The following DYNLT2B variants were observed in gnomAD, a reference collection of about 807,000 sequenced individuals.
DYNLT2B encodes dynein light chain Tctex-type 2B.
Under a neutral mutation model 19.5 loss-of-function variants are expected in DYNLT2B, and 14 were observed. The ratio of observed to expected loss-of-function variants is 0.72; its 90% CI spans 0.47 to 1.12. The LOEUF (loss-of-function observed/expected upper bound fraction) is 1.12, where lower values mean the gene tolerates loss of function less well. Ranked by LOEUF, DYNLT2B falls within the 50% of genes most tolerant of loss-of-function variation. DYNLT2B has a pLI of 0.00. For synonymous variants in DYNLT2B, 70 were observed against 59.7 expected (o/e 1.17, Z -0.79); for missense variants, 133 against 174.7 (o/e 0.76, Z 1.35).
intron 2 of DYNLT2B, among the ~76,000 whole-genome samples, chr3:196,308,505 C>A (rs1177345393): frequency 2.0e-5 from 3 of 152,186 alleles, no homozygotes; most frequent in Non-Finnish European, 1.5e-5. Flanking sequence ...AAAATTCTCA[C>A]TAACACCAAG....
At chr3:196,317,014 TTTTTTCAGTGTGTG>T (rs1332009417) in intron 1 of DYNLT2B, among the ~76,000 whole-genome samples, 17 of 98,152 alleles carry the variant, frequency 1.7e-4, no homozygotes, top group South Asian at 8.8e-4. Flanking sequence ...AGCCTGACAT[TTTTTTCAGTGTGTG>T]TGTGTGTGTG....
intron 2 of DYNLT2B, among the ~76,000 whole-genome samples, chr3:196,309,790 T>C (rs1726584847): frequency 6.6e-6 from 1 of 151,294 alleles, no homozygotes; most frequent in Admixed American, 6.6e-5. Context: ...CCATCTCTAC[T>C]AAAAATACAT....
intron 3 of DYNLT2B, among the ~76,000 whole-genome samples, chr3:196,306,050 C>G (rs1726476043): frequency 6.6e-6 from 1 of 151,874 alleles, no homozygotes; most frequent in Admixed American, 6.6e-5. Flanking sequence ...AAAAAAAATC[C>G]TAATTTACAT....
intron 1 of DYNLT2B, among the ~76,000 whole-genome samples, chr3:196,317,276 G>GTA (rs1726874164): frequency 1.0e-5 from 1 of 96,322 alleles, no homozygotes; most frequent in Non-Finnish European, 2.1e-5. Flanking sequence ...CAGTGTGTGT[G>GTA]TGTGTTGTGT....
chr3:196,299,576 A>G (rs1726300252), intron 3 of DYNLT2B, among the ~76,000 whole-genome samples: 2 of 152,092 alleles, frequency 1.3e-5, no homozygotes, highest in Admixed American at 6.6e-5. Context: ...TGGAGGGAAG[A>G]TCCCATAAAA....
chr3:196,306,249 A>G (rs867533402), intron 3 of DYNLT2B, among the ~76,000 whole-genome samples: 43,068 of 140,570 alleles, frequency 0.31, 7,358 homozygotes, highest in East Asian at 0.8. Context: ...CATCTCTGCA[A>G]AAAAAAAAAA....
chr3:196,296,030 G>C lies in DYNLT2B; in HGVS notation c.357C>G (p.Asn119Lys). ...SRCFWDADTD[N>K]YTHDVFMNDS... ...CATTCATGAAAACATCATGAGTATA[G>C]TTGTCAGTGTCAGCATCCCAGAAAC... is the stretch of plus-strand genomic sequence containing the variant. Residue 119 changes from asparagine (N) to lysine (K), a missense_variant, in exon 4 of 5, where the codon AAC becomes AAG. Coordinates refer to ENST00000325318, the MANE Select transcript of DYNLT2B (RefSeq NM_152773.5). 2 of 1,613,944 alleles carry C rather than the reference G, an allele frequency of 1.2e-6. No individual in the cohort carries two copies.
intron 3 of DYNLT2B, chr3:196,298,132 C>T: frequency 2.8e-6 from 1 of 352,104 alleles, no homozygotes; most frequent in South Asian, 2.6e-5. Flanking sequence ...CAGTTTTCAA[C>T]CAGATCCACT....
At chr3:196,293,620 C>G (rs374228020) in intron 4 of DYNLT2B, among the ~76,000 whole-genome samples, 1 of 134,528 alleles carries the variant, frequency 7.4e-6, no homozygotes, top group Admixed American at 8.1e-5. Flanking sequence ...AGTGAGACTC[C>G]GTCTCAAAAC....
chr3:196,312,512 G>T (rs546461732), intron 2 of DYNLT2B, among the ~76,000 whole-genome samples: 1 of 152,300 alleles, frequency 6.6e-6, no homozygotes, highest in African/African-American at 2.4e-5. Context: ...AGGCTGGAGT[G>T]CAGTGGCACT....
chr3:196,293,454 G>T (rs957172407), intron 4 of DYNLT2B, among the ~76,000 whole-genome samples: 3 of 151,574 alleles, frequency 2.0e-5, no homozygotes, highest in Non-Finnish European at 4.4e-5. Context: ...GTGAAACCTT[G>T]TCTCTACTAA....
At chr3:196,312,626 T>C (rs1560192508) in intron 2 of DYNLT2B, among the ~76,000 whole-genome samples, 1 of 150,882 alleles carries the variant, frequency 6.6e-6, no homozygotes, top group Non-Finnish European at 1.5e-5. Flanking sequence ...GCCCGGCTAA[T>C]TTTTGTATTT....
At chr3:196,302,198 C>G (rs191759060) in intron 3 of DYNLT2B, among the ~76,000 whole-genome samples, 203 of 152,202 alleles carry the variant, frequency 1.3e-3, no homozygotes, top group African/African-American at 4.7e-3. Flanking sequence ...GAGAAAAGAC[C>G]AAACATACAT....
chr3:196,316,906 TGTTGTGTGGTGTGTGTGTGTGTTGTGTG>T (rs1726820255), intron 1 of DYNLT2B, among the ~76,000 whole-genome samples: 1 of 80,596 alleles, frequency 1.2e-5, no homozygotes, highest in African/African-American at 4.2e-5. Context: ...TGTGTGTGTG[TGTTGTGTGGTGTGTGTGTGTGTTGTGTG>T]GTGTGTGTGT....
At chr3:196,296,583 A>G (rs183741865) in intron 3 of DYNLT2B, among the ~76,000 whole-genome samples, 1 of 138,820 alleles carries the variant, frequency 7.2e-6, no homozygotes, top group Admixed American at 7.1e-5. Context: ...CTTGGATAAG[A>G]AAAAAATATT....
chr3:196,311,682 T>C (rs1364925658), intron 2 of DYNLT2B, among the ~76,000 whole-genome samples: 1 of 151,682 alleles, frequency 6.6e-6, no homozygotes, highest in Non-Finnish European at 1.5e-5. Context: ...TATTTATTTA[T>C]TTATTTATTT....
rs918575453 is a variant in DYNLT2B, at chr3:196,307,644, T to C, written c.248-632A>G. On this transcript the variant is annotated intron_variant, in intron 2 of 4. Transcript: ENST00000325318. Reference sequence around the variant, plus strand: ...AAAGCATCTAAACAGTGCTGTTAAATACTAGTCCTTCAATAAACCTTAGCT... The same window carrying C: ...AAAGCATCTAAACAGTGCTGTTAAACACTAGTCCTTCAATAAACCTTAGCT... Among the ~76,000 whole-genome samples the C allele has an allele frequency of 3.8e-4, 58 of 152,166 alleles. 1 individual carries two copies. Among genetic ancestry groups the C allele is most frequent in the African/African-American group, 1.1e-3 (45 of 41,546 alleles).
intron 3 of DYNLT2B, chr3:196,297,931 A>T (rs1011758102): frequency 6.5e-5 from 10 of 153,258 alleles, no homozygotes; most frequent in African/African-American, 2.4e-4. Context: ...ATATAAGCAA[A>T]GAGAAAAAAT....
chr3:196,308,093 A>G (rs1434175469), intron 2 of DYNLT2B, among the ~76,000 whole-genome samples: 1 of 151,626 alleles, frequency 6.6e-6, no homozygotes, highest in Non-Finnish European at 1.5e-5. Context: ...AAAAAAAAAA[A>G]AAAAAAGAAA....
Sources: allele counts gnomAD v4.1 joint callset (sites outside exome capture counted in the v4.1 genomes callset), GRCh38; gene constraint gnomAD v4.1.1; transcripts MANE v1.5; gene names NCBI Gene and HGNC (gene_info 2026-07-23, HGNC 2026-07-21).